The following IGF1R variants were observed in gnomAD, a reference collection of about 807,000 sequenced individuals.
IGF1R encodes insulin-like growth factor 1 receptor.
Under a neutral mutation model 144.6 loss-of-function variants are expected in IGF1R, and 44 were observed. The ratio of observed to expected loss-of-function variants is 0.30; its 90% CI spans 0.24 to 0.39. The LOEUF is 0.39. Among genes scored for constraint, IGF1R ranks in the 10% least tolerant of loss-of-function variants. The pLI, the probability that IGF1R is intolerant of heterozygous loss-of-function variation, is 1.00. For missense variants in IGF1R, 1,355 were observed against 1,833.7 expected (o/e 0.74, Z 4.77); for synonymous variants, 795 against 722.8 (o/e 1.10, Z -1.60).
At position 98,891,924 on chromosome 15, in the gene IGF1R, A is replaced by G. The variant is rs984312552; in HGVS notation, c.953+287A>G. Among the ~76,000 whole-genome samples, 1 of 152,200 alleles carries G rather than the reference A, an allele frequency of 6.6e-6. No homozygotes were observed. The highest frequency in any genetic ancestry group is 2.4e-5 in the African/African-American group (1 of 41,446). ...GCTGGTTTCGATACCCAGAGTTCAT[A>G]GTCTCTCTGGGTACTTGCCAAGCTG... On this transcript the variant is annotated intron_variant, in intron 3 of 20. Transcript: ENST00000650285. The surrounding 1 kb of genome is among the most constrained non-coding windows in gnomAD (Gnocchi z 4.7).
chr15:98,836,606 A>C (rs561613440), intron 2 of IGF1R, among the ~76,000 whole-genome samples: 1 of 151,890 alleles, frequency 6.6e-6, no homozygotes, highest in South Asian at 2.1e-4. Context: ...ACCAATTCTC[A>C]CAGCCAAGAA....
intron 2 of IGF1R, among the ~76,000 whole-genome samples, chr15:98,858,653 C>A (rs1456840238): frequency 6.6e-6 from 1 of 152,206 alleles, no homozygotes; most frequent in Non-Finnish European, 1.5e-5. Context: ...CTCCACCTTT[C>A]AGGATGCTAA....
rs1596469291 is a variant in IGF1R at position 98,935,535 on chromosome 15, A to G, written c.3297+109A>G. ...TCTTTAAATCAGTTTACTTTCCAGC[A>G]TCCAGTGTTTCTTACTGCATGCTCA... is the stretch of plus-strand genomic sequence containing the variant. On this transcript the variant is annotated intron_variant, in intron 17 of 20. Transcript: ENST00000650285. This position sits in a 1 kb window ranked among gnomAD's most constrained non-coding sequence, Gnocchi z 4.2. The G allele has an allele frequency of 9.1e-6, 7 of 765,112 alleles. 1 individual carries two copies. The Admixed American group carries it at 1.4e-4, about 15-fold the overall frequency. The allele number at this position is 765,112 out of a possible 1,614,324, so 47.4% of individuals were successfully genotyped here.
At chr15:98,920,417 TGGGGGTGGGCTGAGCC>T in intron 10 of IGF1R, among the ~76,000 whole-genome samples, 1 of 152,266 alleles carries the variant, frequency 6.6e-6, no homozygotes, top group Admixed American at 6.5e-5. Context: ...CCCAGTTAAA[TGGGGGTGGGCTGAGCC>T]GGGAGAGGGG....
rs74032528 is a variant in IGF1R at position 98,695,809 on chromosome 15, G to A, written c.95-11753G>A. Among the ~76,000 whole-genome samples, 686 of 152,246 alleles carry A rather than the reference G, an allele frequency of 4.5e-3. 4 individuals are homozygous for A. Among genetic ancestry groups the A allele is most frequent in the African/African-American group, 0.016 (647 of 41,536 alleles). On this transcript the variant is annotated intron_variant, in intron 1 of 20. Coordinates refer to ENST00000650285, the MANE Select transcript of IGF1R (RefSeq NM_000875.5). ...CTCTCCTCCAGCAGGGTCATAAAGA[G>A]CCTGACCAGTCCCCCTCCCTGGAGA...
intron 2 of IGF1R, among the ~76,000 whole-genome samples, chr15:98,743,708 A>G (rs1350106149): frequency 6.6e-6 from 1 of 152,172 alleles, no homozygotes; most frequent in Non-Finnish European, 1.5e-5. Flanking sequence ...GAGGTGGGGT[A>G]TGTGTCATAT....
chr15:98,907,325 A>G (rs1235408941), intron 5 of IGF1R, among the ~76,000 whole-genome samples: 1 of 152,194 alleles, frequency 6.6e-6, no homozygotes, highest in Non-Finnish European at 1.5e-5. Flanking sequence ...GGTGTAAATG[A>G]AGACCCTCAC....
chr15:98,772,980 A>G (rs551047094), intron 2 of IGF1R, among the ~76,000 whole-genome samples: 84 of 152,264 alleles, frequency 5.5e-4, no homozygotes, highest in African/African-American at 2.0e-3. Context: ...ACATGGATTT[A>G]TTTTCTAACC....
chr15:98,931,884 T>G (rs1008888655), intron 15 of IGF1R, among the ~76,000 whole-genome samples: 1 of 152,160 alleles, frequency 6.6e-6, no homozygotes, highest in African/African-American at 2.4e-5. Flanking sequence ...ATGCATTGTT[T>G]GTATGAATAA....
chr15:98,857,348 A>G (rs906093877), intron 2 of IGF1R, among the ~76,000 whole-genome samples: 1 of 152,140 alleles, frequency 6.6e-6, no homozygotes, highest in Non-Finnish European at 1.5e-5. Context: ...CTTCCTGAGT[A>G]TCTGAGATTA....
intron 2 of IGF1R, among the ~76,000 whole-genome samples, chr15:98,814,340 TTGGA>T (rs201082565): frequency 6.6e-6 from 1 of 151,950 alleles, no homozygotes; most frequent in Non-Finnish European, 1.5e-5. Flanking sequence ...CTTATATGAT[TTGGA>T]TGGATGGATG....
chr15:98,784,572 C>T (rs1489795850), intron 2 of IGF1R: 1 of 153,970 alleles, frequency 6.5e-6, no homozygotes, highest in Admixed American at 6.5e-5. Flanking sequence ...GTTTAGCGTC[C>T]AGTTTGTGAA....
At chr15:98,733,065 G>T (rs2054529940) in intron 2 of IGF1R, among the ~76,000 whole-genome samples, 1 of 152,174 alleles carries the variant, frequency 6.6e-6, no homozygotes, top group African/African-American at 2.4e-5. Flanking sequence ...TACACAGAAA[G>T]ATGTCTACGT....
chr15:98,804,720 A>G (rs376896337), intron 2 of IGF1R, among the ~76,000 whole-genome samples: 3 of 152,274 alleles, frequency 2.0e-5, no homozygotes, highest in African/African-American at 4.8e-5. Context: ...GCAGATAATT[A>G]TTGTTTTTTA....
At chr15:98,942,841 C>CAT in intron 18 of IGF1R, 82 bp from the exon 19 acceptor site, 2 of 1,576,702 alleles carry the variant, frequency 1.3e-6, no homozygotes, top group Non-Finnish European at 1.7e-6. Flanking sequence ...TCTCTCCACA[C>CAT]ATAATGAGTG....
chr15:98,781,035 C>T (rs897275792), intron 2 of IGF1R, among the ~76,000 whole-genome samples: 4 of 152,176 alleles, frequency 2.6e-5, no homozygotes, highest in Non-Finnish European at 4.4e-5. Flanking sequence ...GGTGGGAGGA[C>T]TACTTGAGCC....
chr15:98,882,490 T>A (rs1420483678), intron 2 of IGF1R, among the ~76,000 whole-genome samples: 1 of 152,196 alleles, frequency 6.6e-6, no homozygotes, highest in Non-Finnish European at 1.5e-5. Context: ...TCTCTTCAGA[T>A]CTAAGAATCT....
At chr15:98,746,219 G>A (rs990544943) in intron 2 of IGF1R, among the ~76,000 whole-genome samples, 1 of 152,188 alleles carries the variant, frequency 6.6e-6, no homozygotes, top group African/African-American at 2.4e-5. Context: ...TGAAAAACAC[G>A]ATGATTCACC....
chr15:98,736,610 CT>C (rs1321651793), intron 2 of IGF1R, among the ~76,000 whole-genome samples: 2 of 138,980 alleles, frequency 1.4e-5, no homozygotes, highest in Admixed American at 7.2e-5. Flanking sequence ...TTTCTTTTTT[CT>C]TTTTTCTTTT....
Sources: gnomAD v4.1 joint callset for allele counts (sites outside exome capture counted in the v4.1 genomes callset) on GRCh38, gnomAD v4.1.1 for gene constraint, Gnocchi (gnomAD v3.1) non-coding constraint, MANE v1.5 for transcripts, NCBI Gene and HGNC (gene_info 2026-07-23, HGNC 2026-07-21) for gene names.